RARS2: variants seen among roughly 807,000 people sequenced by gnomAD.
RARS2 encodes arginyl-tRNA synthetase 2, mitochondrial, also known as probable arginine--tRNA ligase, mitochondrial.
RARS2 carries 67 observed loss-of-function variants against 88.5 expected under a neutral mutation model. That is an observed-to-expected ratio of 0.76 (90% CI 0.62 to 0.93). RARS2 has a LOEUF of 0.93. Among genes scored for constraint, RARS2 ranks in the 40% least tolerant of loss-of-function variants. The pLI is 0.00. For synonymous variants in RARS2, 239 were observed against 230.3 expected (o/e 1.04, Z -0.34); for missense variants, 664 against 684.2 (o/e 0.97, Z 0.33).
intron 1 of RARS2, among the ~76,000 whole-genome samples, chr6:87,573,758 A>C (rs551020005): frequency 3.9e-5 from 6 of 152,344 alleles, no homozygotes; most frequent in African/African-American, 1.4e-4. Flanking sequence ...TTCTTCACAT[A>C]ATCTCCCATC....
chr6:87,551,929 G>T (rs1432433157), intron 5 of RARS2, among the ~76,000 whole-genome samples: 1 of 152,186 alleles, frequency 6.6e-6, no homozygotes, highest in African/African-American at 2.4e-5. Context: ...ACTAGAGAGA[G>T]ATTAGAGAGG....
intron 1 of RARS2, among the ~76,000 whole-genome samples, chr6:87,583,097 T>C (rs998029069): frequency 1.5e-4 from 23 of 152,110 alleles, no homozygotes; most frequent in African/African-American, 5.6e-4. Flanking sequence ...CAATTACATA[T>C]TAAGAGGTAA....
intron 4 of RARS2, among the ~76,000 whole-genome samples, chr6:87,562,410 T>TG (rs2128168696): frequency 6.6e-6 from 1 of 152,368 alleles, no homozygotes; most frequent in African/African-American, 2.4e-5. Context: ...TATTGTCTTA[T>TG]GGGACCATCA....
intron 12 of RARS2, among the ~76,000 whole-genome samples, chr6:87,520,661 C>A (rs1383177109): frequency 6.6e-6 from 1 of 152,188 alleles, no homozygotes; most frequent in Non-Finnish European, 1.5e-5. Context: ...GAATACCACT[C>A]AGCAATAAAA....
intron 4 of RARS2, among the ~76,000 whole-genome samples, chr6:87,558,527 T>C (rs1786730353): frequency 6.6e-6 from 1 of 152,202 alleles, no homozygotes; most frequent in Admixed American, 6.5e-5. Flanking sequence ...CCTACAGTAA[T>C]GCACCAAGTA....
intron 1 of RARS2, among the ~76,000 whole-genome samples, chr6:87,572,729 G>A (rs780222544): frequency 3.3e-5 from 5 of 151,996 alleles, no homozygotes; most frequent in African/African-American, 7.3e-5. Context: ...ACCATGGCTG[G>A]CCTCATGTAT....
chr6:87,549,582 T>C (rs1783738885), intron 5 of RARS2, among the ~76,000 whole-genome samples: 1 of 151,392 alleles, frequency 6.6e-6, no homozygotes, highest in African/African-American at 2.4e-5. Context: ...AAAATATTTA[T>C]GCATAAAACC....
intron 17 of RARS2, among the ~76,000 whole-genome samples, chr6:87,517,287 G>T (rs1772102304): frequency 6.6e-6 from 1 of 151,902 alleles, no homozygotes; most frequent in Admixed American, 6.6e-5. Context: ...CAAAAAAAAA[G>T]AAGAGTAGAA....
intron 10 of RARS2, among the ~76,000 whole-genome samples, chr6:87,526,383 G>A (rs1031500370): frequency 2.0e-5 from 3 of 152,060 alleles, no homozygotes; most frequent in African/African-American, 4.8e-5. Flanking sequence ...TGGGTGTGGT[G>A]GCACATGCCT....
At chr6:87,521,294 C>G (rs1416335906) in intron 12 of RARS2, among the ~76,000 whole-genome samples, 170 bp downstream of exon 12, 3 of 152,086 alleles carry the variant, frequency 2.0e-5, no homozygotes, top group Non-Finnish European at 2.9e-5. Flanking sequence ...GCAATGTAAA[C>G]TTTTTCATTT....
chr6:87,549,760 A>C (rs1783779904), intron 5 of RARS2, among the ~76,000 whole-genome samples: 1 of 152,196 alleles, frequency 6.6e-6, no homozygotes, highest in Non-Finnish European at 1.5e-5. Context: ...GCATTAACTC[A>C]TTTAATACTC....
intron 5 of RARS2, among the ~76,000 whole-genome samples, chr6:87,550,320 A>G (rs906079534): frequency 6.6e-6 from 1 of 152,220 alleles, no homozygotes; most frequent in Non-Finnish European, 1.5e-5. Context: ...AAGAGCAAAC[A>G]AGGGGAGTCC....
In RARS2 at chr6:87,530,901, A is replaced by T. The variant is rs908357709; in HGVS notation, c.654T>A (p.Ser218Arg). The T allele has an allele frequency of 3.7e-6, 6 of 1,614,096 alleles. No individual in the cohort carries two copies. The African/African-American group carries it at 8.0e-5, about 22-fold the overall frequency. The part of the protein sequence containing the change: ...QVNKEAADDK[S>R]VAKAAQEFFQ... The stretch of plus-strand genomic sequence containing the variant: ...AGAACTCCTGTGCTGCTTTTGCTAC[A>T]CTTTTATCATCTGCTGCTTCTTTAT... The change falls in exon 9 of 20, where the codon AGT (serine) becomes AGA (arginine). Residue 218 changes from serine (S) to arginine (R), a missense_variant. Transcript: ENST00000369536.
chr6:87,557,125 A>T (rs1786211568), intron 4 of RARS2, among the ~76,000 whole-genome samples: 1 of 152,144 alleles, frequency 6.6e-6, no homozygotes, highest in African/African-American at 2.4e-5. Flanking sequence ...AAGTGCTCCT[A>T]CAGTACCCGT....
At chr6:87,525,018 T>C (rs1433516761) in intron 10 of RARS2, among the ~76,000 whole-genome samples, 1 of 152,210 alleles carries the variant, frequency 6.6e-6, no homozygotes, top group Non-Finnish European at 1.5e-5. Context: ...ATTGGGATAA[T>C]TTTTAACATG....
At chr6:87,547,859 C>T (rs6905345) in intron 6 of RARS2, among the ~76,000 whole-genome samples, 9,380 of 151,928 alleles carry the variant, frequency 0.062, 348 homozygotes, top group African/African-American at 0.11. Flanking sequence ...AGGCTGGTCG[C>T]GAACTCCTGA....
chr6:87,545,240 T>C (rs1046806725), intron 7 of RARS2, among the ~76,000 whole-genome samples: 3 of 152,138 alleles, frequency 2.0e-5, no homozygotes, highest in Non-Finnish European at 2.9e-5. Flanking sequence ...CATGCCACCA[T>C]GTCTAGCTAA....
chr6:87,545,785 A>G, intron 6 of RARS2, 86 bp from the exon 7 acceptor site: 1 of 1,463,144 alleles, frequency 6.8e-7, no homozygotes. Flanking sequence ...TATCAAACAT[A>G]AGTAGAAAAT....
chr6:87,589,853 C>A, intron 1 of RARS2, 69 bp downstream of exon 1: 1 of 1,613,922 alleles, frequency 6.2e-7, no homozygotes, highest in Non-Finnish European at 8.5e-7. Flanking sequence ...AGGACTGGCC[C>A]GCAGCGGTGA....
Sources: gnomAD v4.1 joint callset for allele counts (sites outside exome capture counted in the v4.1 genomes callset) on GRCh38, gnomAD v4.1.1 for gene constraint, MANE v1.5 for transcripts, NCBI Gene and HGNC (gene_info 2026-07-23, HGNC 2026-07-21) for gene names.